The following UROS variants were observed in gnomAD, a reference collection of about 807,000 sequenced individuals.
The protein encoded by UROS is uroporphyrinogen III synthase, also known as uroporphyrinogen-III synthase.
A neutral mutation model predicts 33.0 loss-of-function variants in UROS; 18 were observed. The ratio of observed to expected loss-of-function variants is 0.55; its 90% confidence interval spans 0.38 to 0.81. UROS has a LOEUF of 0.81. Ranked by LOEUF, UROS falls within the 30% of genes least tolerant of loss-of-function variation. The pLI is 0.00. For missense variants in UROS, 293 were observed against 314.9 expected, an observed-to-expected ratio of 0.93 and a Z score of 0.53; for synonymous variants, 114 against 121.1, an observed-to-expected ratio of 0.94 and a Z score of 0.38.
At chr10:125,787,636 T>C (rs1188823401), downstream of UROS, among the ~76,000 whole-genome samples, 1 of 152,186 alleles carries the variant, frequency 6.6e-6, no homozygotes, top group Non-Finnish European at 1.5e-5. Context: ...TCTTAGTTCC[T>C]GGGCAAATCT....
chr10:125,817,895 G>T lies in UROS; in HGVS notation c.-26-1370C>A, dbSNP rs1853489225. On this transcript the variant is annotated intron_variant, in intron 1 of 9. Coordinates refer to ENST00000368797, the MANE Select transcript of UROS (RefSeq NM_000375.3). The stretch of plus-strand genomic sequence containing the variant: ...AAAAATAGAGGTATAAAAATATAAA[G>T]TATCACTGTAGTACAAAGTGCTTAG... Among the ~76,000 whole-genome samples, 3 of 152,148 alleles carry T rather than the reference G, an allele frequency of 2.0e-5. 1 individual carries two copies. In the South Asian group the frequency reaches 6.2e-4, roughly 31 times the overall value.
chr10:125,785,009 C>T (rs559138715), downstream of UROS: 46 of 152,212 alleles, frequency 3.0e-4, no homozygotes, highest in African/African-American at 9.2e-4. Context: ...TATTCAAACT[C>T]GGAAACGGTT....
At chr10:125,817,599 G>A (rs1422476916) in intron 1 of UROS, among the ~76,000 whole-genome samples, 1 of 147,678 alleles carries the variant, frequency 6.8e-6, no homozygotes, top group African/African-American at 2.5e-5. Flanking sequence ...TAGGGTTGCT[G>A]AGTGACTCAA....
downstream of UROS, among the ~76,000 whole-genome samples, chr10:125,788,220 T>C (rs1050515902): frequency 6.6e-6 from 1 of 152,206 alleles, no homozygotes; most frequent in African/African-American, 2.4e-5. Context: ...ACTTTGGGAA[T>C]GAAGTTTGGG....
At chr10:125,811,566 C>A in intron 5 of UROS, among the ~76,000 whole-genome samples, 1 of 152,196 alleles carries the variant, frequency 6.6e-6, no homozygotes, top group South Asian at 2.1e-4. Context: ...GGAAAATGTG[C>A]TTTTAATTCT....
At chr10:125,793,610 G>C (rs751143669) in intron 9 of UROS, 1 of 152,264 alleles carries the variant, frequency 6.6e-6, no homozygotes, top group South Asian at 2.1e-4. Flanking sequence ...GCCGTGGCGC[G>C]ATCTCGGCTC....
chr10:125,800,565 CTTTTT>C, intron 6 of UROS, among the ~76,000 whole-genome samples: 1 of 140,400 alleles, frequency 7.1e-6, no homozygotes, highest in Admixed American at 7.1e-5. Flanking sequence ...TTCTTTCTTT[CTTTTT>C]TTTTTTTTTG....
intron 6 of UROS, 114 bp downstream of exon 6, chr10:125,807,299 C>T (rs11244661): frequency 0.01 from 9,421 of 921,252 alleles, 75 homozygotes; most frequent in Non-Finnish European, 0.012. Context: ...ACGATGCTCA[C>T]CAATCAATCT....
At chr10:125,804,512 TGA>T (rs1852143662) in intron 6 of UROS, among the ~76,000 whole-genome samples, 1 of 152,192 alleles carries the variant, frequency 6.6e-6, no homozygotes, top group African/African-American at 2.4e-5. Flanking sequence ...TAGGGAGTCG[TGA>T]GAACTCCTGA....
chr10:125,802,967 A>G (rs983642586), intron 6 of UROS: 1 of 1,612,914 alleles, frequency 6.2e-7, no homozygotes, highest in South Asian at 1.1e-5. Context: ...ATTCATCAGC[A>G]TAAGGGCACG....
chr10:125,816,692 CCT>C, intron 1 of UROS, 167 bp from the exon 2 acceptor site: 1 of 664,624 alleles, frequency 1.5e-6, no homozygotes, highest in Non-Finnish European at 2.6e-6. Context: ...TCTGAAGACC[CCT>C]GTCACTGATA....
chr10:125,794,474 A>G, intron 9 of UROS: 2 of 616,544 alleles, frequency 3.2e-6, no homozygotes, highest in Middle Eastern at 7.7e-4. Context: ...CCTTTAAAAG[A>G]TATGAAAAAG....
rs1456345425 is a variant in UROS, at chr10:125,795,352, T to TC, written c.562-375dup. On this transcript the variant is annotated intron_variant, in intron 8 of 9. Transcript: ENST00000368797. Reference sequence around the variant, plus strand: ...GTGCTGGCTCCCTGTCAATGCTCCCTCCCTCTGGAAGCAGAGCAAGCAGAC... The same window carrying TC: ...GTGCTGGCTCCCTGTCAATGCTCCCTCCCCTCTGGAAGCAGAGCAAGCAGAC... 2.9e-5 allele frequency: 9 copies of TC among 306,750 alleles called. No individual in the cohort carries two copies. In the South Asian group the frequency reaches 3.1e-4, roughly 11 times the overall value. The allele number at this position is 306,750 out of a possible 1,614,324, so 19.0% of individuals were successfully genotyped here.
In UROS at chr10:125,812,273, AG is replaced by A; in HGVS notation, c.259del (p.Leu87Ter). 6.2e-7 allele frequency: 1 copy of A among 1,613,802 alleles called. No homozygotes were observed. The highest frequency in any genetic ancestry group is 8.5e-7 in the Non-Finnish European group (1 of 1,179,936). On this transcript the variant is annotated frameshift_variant, in exon 5 of 10. Coordinates refer to ENST00000368797, the MANE Select transcript of UROS (RefSeq NM_000375.3). LOFTEE classifies it high-confidence loss of function. ...NNKTEVWERS[L>X]KEKWNAKSVY... The stretch of plus-strand genomic sequence containing the variant: ...TGACTTGGCATTCCATTTTTCTTTC[AG>A]AGACCTTTCCCAGACTGTAAAACAT...
At chr10:125,812,402 C>T (rs879231898) in intron 4 of UROS, 114 bp from the exon 5 acceptor site, 20 of 903,344 alleles carry the variant, frequency 2.2e-5, no homozygotes, top group South Asian at 8.7e-5. Context: ...CTATTAGCAA[C>T]CAAATGTAAA....
chr10:125,808,912 C>G (rs1206130770), intron 5 of UROS, among the ~76,000 whole-genome samples: 2 of 152,238 alleles, frequency 1.3e-5, no homozygotes, highest in Non-Finnish European at 2.9e-5. Flanking sequence ...CAAGTCAGTA[C>G]AACATTTCAA....
chr10:125,822,647 G>A (rs751306446), intron 1 of UROS, among the ~76,000 whole-genome samples: 6 of 152,242 alleles, frequency 3.9e-5, no homozygotes, highest in Admixed American at 3.9e-4. Context: ...TAGCAGAGAT[G>A]AGGTTTTGCC....
At chr10:125,787,570 G>A (rs1463977049), downstream of UROS, among the ~76,000 whole-genome samples, 1 of 152,068 alleles carries the variant, frequency 6.6e-6, no homozygotes, top group African/African-American at 2.4e-5. Context: ...CTGGGGGTGG[G>A]GCCTGAGCTA....
At chr10:125,787,527 G>T (rs1183586766), downstream of UROS, among the ~76,000 whole-genome samples, 2 of 152,084 alleles carry the variant, frequency 1.3e-5, no homozygotes, top group African/African-American at 4.8e-5. Flanking sequence ...CTGCTGCTTG[G>T]GCTTTATTCT....
Sources: gnomAD v4.1 joint callset for allele counts (sites outside exome capture counted in the v4.1 genomes callset) on GRCh38, gnomAD v4.1.1 for gene constraint, MANE v1.5 for transcripts, NCBI Gene and HGNC (gene_info 2026-07-23, HGNC 2026-07-21) for gene names.